LANCL3: variants seen among roughly 807,000 people sequenced by gnomAD.
LANCL3 encodes LanC like family member 3.
LANCL3 carries 19 observed loss-of-function variants against 26.5 expected under a neutral mutation model. The ratio of observed to expected loss-of-function variants is 0.72; its 90% CI spans 0.50 to 1.05. LANCL3 has a LOEUF of 1.05. LANCL3 is among the 50% of genes least tolerant of loss of function. The probability of loss-of-function intolerance (pLI) is 0.00; values close to 1 mark genes in which losing one functional copy is unlikely to be tolerated. For synonymous variants in LANCL3, 160 were observed against 166.6 expected (o/e 0.96, Z 0.30); for missense variants, 318 against 362.7 (o/e 0.88, Z 1.00).
At chrX:37,625,475 A>G (rs782372544) in intron 1 of LANCL3, among the ~76,000 whole-genome samples, 2 of 111,280 alleles carry the variant, frequency 1.8e-5, no homozygotes, top group South Asian at 7.6e-4. Flanking sequence ...GCTTCTGCGT[A>G]CCCATAATAG....
At chrX:37,628,786 T>C (rs1368309171) in intron 1 of LANCL3, among the ~76,000 whole-genome samples, 3 of 110,340 alleles carry the variant, frequency 2.7e-5, no homozygotes, top group Non-Finnish European at 5.7e-5. Flanking sequence ...CTCATCATTT[T>C]TTATGGCTGC....
intron 2 of LANCL3, among the ~76,000 whole-genome samples, chrX:37,656,812 A>AAATG (rs1427553970): frequency 6.2e-5 from 7 of 112,847 alleles, no homozygotes; most frequent in East Asian, 2.8e-4. Flanking sequence ...TAGGGAACCC[A>AAATG]AATGAATGAA....
Position 37,586,816 on chromosome X carries a change from C to A in LANCL3, c.573+14373C>A, listed in dbSNP as rs141718731. Among the ~76,000 whole-genome samples the A allele has an allele frequency of 2.2e-3, 250 of 112,183 alleles. 1 individual carries two copies. The highest frequency in any genetic ancestry group is 7.8e-3 in the African/African-American group (240 of 30,850). ...TCAACTCATCAAAGTCATTCTCTGT[C>A]CAGCTTTATTCCGTTGCTGGTGAGG... On this transcript the variant is annotated intron_variant, in intron 1 of 4. Coordinates refer to ENST00000378619, the MANE Select transcript of LANCL3 (RefSeq NM_001170331.2).
chrX:37,604,525 G>A (rs181126872), intron 1 of LANCL3, among the ~76,000 whole-genome samples: 3 of 112,153 alleles, frequency 2.7e-5, no homozygotes, highest in Non-Finnish European at 3.8e-5. Flanking sequence ...TAGTTCTGCT[G>A]AGCTGGGTCA....
Position 37,678,550 on chromosome X carries a change from A to G in LANCL3, c.*2737A>G, listed in dbSNP as rs1472130334. ...GGAGACTGCATTATGCTTTGATAGC[A>G]AGACATTTTGGAAACCATTACAACT... On this transcript the variant is annotated 3_prime_UTR_variant, in exon 5 of 5. Transcript: ENST00000378619. 3 of 111,928 alleles carry G rather than the reference A, an allele frequency of 2.7e-5. No homozygotes were observed. The highest frequency in any genetic ancestry group is 9.7e-5 in the African/African-American group (3 of 30,788). 9.2% of individuals were successfully genotyped at this position (111,928 alleles called of 1,213,427 possible).
In LANCL3 at chrX:37,681,355, G is replaced by T. The variant is rs1290102494; in HGVS notation, c.*5542G>T. 1.8e-5 allele frequency: 2 copies of T among 111,775 alleles called. No individual in the cohort carries two copies. Among genetic ancestry groups the T allele is most frequent in the Admixed American group, 1.9e-4 (2 of 10,569 alleles). 9.2% of individuals were successfully genotyped at this position (111,775 alleles called of 1,213,427 possible). A position where few individuals can be genotyped will look rare whatever the true frequency, so the allele number is the denominator to read the frequency against. On this transcript the variant is annotated 3_prime_UTR_variant, in exon 5 of 5. Coordinates refer to ENST00000378619, the MANE Select transcript of LANCL3 (RefSeq NM_001170331.2). ...ATACTTACTATACATCTCCAGTCTC[G>T]AAGTAGCCACATTTCAAGTGTATAA...
chrX:37,634,100 C>G (rs1230036363), intron 1 of LANCL3, among the ~76,000 whole-genome samples: 8 of 112,749 alleles, frequency 7.1e-5, no homozygotes, highest in Non-Finnish European at 1.3e-4. Context: ...TTCGAGCTTC[C>G]GGGCTCCTTT....
chrX:37,623,937 A>G (rs782016973), intron 1 of LANCL3, among the ~76,000 whole-genome samples: 1 of 112,289 alleles, frequency 8.9e-6, no homozygotes, highest in African/African-American at 3.2e-5. Context: ...ATATCAATAC[A>G]TATAGATCTG....
chrX:37,622,921 C>T (rs1212116299), intron 1 of LANCL3, among the ~76,000 whole-genome samples: 3 of 112,586 alleles, frequency 2.7e-5, no homozygotes. Flanking sequence ...ACTATTTCTC[C>T]TTAGCTCCTT....
intron 1 of LANCL3, among the ~76,000 whole-genome samples, chrX:37,613,938 C>G (rs1406723220): frequency 3.6e-5 from 4 of 112,021 alleles, no homozygotes; most frequent in Non-Finnish European, 5.6e-5. Context: ...TGTCCCCTTT[C>G]TTCCTGCTAC....
intron 1 of LANCL3, among the ~76,000 whole-genome samples, chrX:37,615,981 G>A (rs1924995233): frequency 8.9e-6 from 1 of 111,756 alleles, no homozygotes; most frequent in African/African-American, 3.2e-5. Flanking sequence ...TGTACAAAAG[G>A]AAATATTTTC....
At chrX:37,650,893 C>T (rs782104413) in intron 1 of LANCL3, among the ~76,000 whole-genome samples, 11 of 76,877 alleles carry the variant, frequency 1.4e-4, no homozygotes, top group Middle Eastern at 6.5e-3. Context: ...CCCCACCCCA[C>T]GACAGGCCCC....
chrX:37,590,797 A>C (rs782532953), intron 1 of LANCL3, among the ~76,000 whole-genome samples: 20 of 111,459 alleles, frequency 1.8e-4, no homozygotes, highest in African/African-American at 6.5e-4. Flanking sequence ...GTGAACATGC[A>C]TTAGAATCCC....
chrX:37,660,441 G>T (rs1556432305), intron 3 of LANCL3, among the ~76,000 whole-genome samples: 1 of 111,996 alleles, frequency 8.9e-6, no homozygotes, highest in South Asian at 3.7e-4. Context: ...CTGTGGAATT[G>T]AGGCTAGAAA....
At chrX:37,668,722 G>C (rs924459339) in intron 4 of LANCL3, among the ~76,000 whole-genome samples, 7 of 111,856 alleles carry the variant, frequency 6.3e-5, no homozygotes, top group African/African-American at 2.0e-4. Flanking sequence ...GGTGGGAGGG[G>C]GTCCTAGAGT....
intron 1 of LANCL3, among the ~76,000 whole-genome samples, chrX:37,603,223 C>G (rs1485284869): frequency 8.9e-6 from 1 of 111,906 alleles, no homozygotes; most frequent in Non-Finnish European, 1.9e-5. Flanking sequence ...TGAGCAGGGT[C>G]CTAGTGGGAC....
intron 4 of LANCL3, among the ~76,000 whole-genome samples, chrX:37,671,488 C>T (rs1926683158): frequency 9.0e-6 from 1 of 111,397 alleles, no homozygotes; most frequent in South Asian, 3.9e-4. Context: ...AGAGTAAAAG[C>T]CAGTCTTTCC....
At chrX:37,638,999 A>G (rs1556425609) in intron 1 of LANCL3, among the ~76,000 whole-genome samples, 1 of 109,627 alleles carries the variant, frequency 9.1e-6, no homozygotes, top group African/African-American at 3.3e-5. Context: ...GTAATAGTCC[A>G]TTGTATGAAT....
intron 1 of LANCL3, among the ~76,000 whole-genome samples, chrX:37,631,806 G>A (rs1477383460): frequency 4.5e-5 from 5 of 111,187 alleles, no homozygotes; most frequent in African/African-American, 1.6e-4. Context: ...ATTGCACTGT[G>A]GTCTGAGAGA....
Sources: gnomAD v4.1 joint callset for allele counts (sites outside exome capture counted in the v4.1 genomes callset) on GRCh38, gnomAD v4.1.1 for gene constraint, MANE v1.5 for transcripts, NCBI Gene and HGNC (gene_info 2026-07-23, HGNC 2026-07-21) for gene names.